Variants in PCDH11X observed in about 807,000 individuals in gnomAD.
PCDH11X encodes the protein protocadherin-11 X-linked.
PCDH11X carries 18 observed loss-of-function variants against 53.3 expected under a neutral mutation model. That is an observed-to-expected ratio of 0.34 (90% confidence interval 0.23 to 0.50). The LOEUF (loss-of-function observed/expected upper bound fraction) is 0.50. PCDH11X is among the 20% of genes least tolerant of loss of function. PCDH11X has a pLI of 0.98. For synonymous variants in PCDH11X, 279 were observed against 393.3 expected (o/e 0.71, Z 3.44); for missense variants, 570 against 1,032.4 (o/e 0.55, Z 6.14).
intron 6 of PCDH11X, among the ~76,000 whole-genome samples, chrX:92,182,406 T>A (rs1454958106): frequency 9.0e-6 from 1 of 111,442 alleles, no homozygotes; most frequent in Non-Finnish European, 1.9e-5. Flanking sequence ...ACTTTGGACT[T>A]TTGAGTTAAT....
chrX:92,472,612 A>G (rs2073291456), intron 10 of PCDH11X, among the ~76,000 whole-genome samples: 2 of 109,678 alleles, frequency 1.8e-5, no homozygotes, highest in Non-Finnish European at 1.9e-5. Context: ...TATTTTTGGT[A>G]CCATATAAAT....
chrX:92,573,480 T>C (rs1922448200), intron 10 of PCDH11X, among the ~76,000 whole-genome samples: 1 of 111,232 alleles, frequency 9.0e-6, no homozygotes, highest in Non-Finnish European at 1.9e-5. Context: ...TCATGAACCA[T>C]GTGCAGCAAT....
intron 6 of PCDH11X, among the ~76,000 whole-genome samples, chrX:91,919,318 T>C (rs1262672381): frequency 1.8e-5 from 2 of 111,867 alleles, no homozygotes; most frequent in Non-Finnish European, 3.8e-5. Context: ...ACAGAGTCTA[T>C]AAATTAAATT....
At chrX:92,523,656 G>T (rs2074402115) in intron 10 of PCDH11X, among the ~76,000 whole-genome samples, 1 of 111,546 alleles carries the variant, frequency 9.0e-6, no homozygotes, top group Non-Finnish European at 1.9e-5. Context: ...AGTTCACAGG[G>T]CTTCTCTAAG....
Position 91,840,889 on chromosome X carries a change from C to T in PCDH11X, c.540+4845C>T, listed in dbSNP as rs1289565627. Among the ~76,000 whole-genome samples, 4 of 109,104 alleles carry T rather than the reference C, an allele frequency of 3.7e-5. No individual in the cohort carries two copies. The South Asian group carries it at 1.6e-3, about 43-fold the overall frequency. 94.7% of individuals were successfully genotyped at this position (109,104 alleles called of 115,157 possible). ...ACTTAGTTTATTTGCCTCCAAGAGG[C>T]TCAGAAGAGTTTGAATATAATGATT... On this transcript the variant is annotated intron_variant, in intron 5 of 10. Transcript: ENST00000682573.
At chrX:92,460,983 CAGG>C (rs1340785493) in intron 9 of PCDH11X, 3 of 867,051 alleles carry the variant, frequency 3.5e-6, no homozygotes, top group Non-Finnish European at 4.9e-6. Context: ...CTTTGGGGAG[CAGG>C]AGGCCAATAA....
intron 8 of PCDH11X, among the ~76,000 whole-genome samples, chrX:92,274,016 G>A (rs1161906852): frequency 4.6e-5 from 5 of 108,136 alleles, no homozygotes; most frequent in African/African-American, 1.7e-4. Flanking sequence ...AGCAGGGCAT[G>A]TATGAGTAGC....
chrX:92,275,595 A>C (rs1354490046), intron 8 of PCDH11X, among the ~76,000 whole-genome samples: 1 of 111,607 alleles, frequency 9.0e-6, no homozygotes, highest in Non-Finnish European at 1.9e-5. Context: ...GCTATTGAGG[A>C]TAGGAGAGTA....
intron 10 of PCDH11X, among the ~76,000 whole-genome samples, chrX:92,496,464 A>T (rs772120971): frequency 1.9e-5 from 2 of 107,768 alleles, no homozygotes; most frequent in East Asian, 5.7e-4. Context: ...GTTTTAGAGC[A>T]TCGATTAGTA....
At chrX:92,535,468 T>C (rs1410023055) in intron 10 of PCDH11X, among the ~76,000 whole-genome samples, 2 of 110,370 alleles carry the variant, frequency 1.8e-5, no homozygotes, top group Non-Finnish European at 3.8e-5. Flanking sequence ...GTAAGCTAAA[T>C]AATGAGAATA....
intron 10 of PCDH11X, among the ~76,000 whole-genome samples, chrX:92,481,301 C>CCA (rs1234147091): frequency 1.4e-5 from 1 of 73,967 alleles, no homozygotes; most frequent in Non-Finnish European, 3.3e-5. Context: ...CACACACACC[C>CCA]CACACACACA....
intron 5 of PCDH11X, among the ~76,000 whole-genome samples, chrX:91,844,977 AT>A (rs1241557922): frequency 1.8e-5 from 2 of 111,411 alleles, no homozygotes; most frequent in Non-Finnish European, 3.8e-5. Flanking sequence ...GGATGCATGA[AT>A]TCTAGAGAAA....
At chrX:91,925,477 A>C (rs1179318113) in intron 6 of PCDH11X, among the ~76,000 whole-genome samples, 1 of 111,257 alleles carries the variant, frequency 9.0e-6, no homozygotes, top group Non-Finnish European at 1.9e-5. Flanking sequence ...TTTCATTGAA[A>C]TATGAATGTA....
intron 6 of PCDH11X, among the ~76,000 whole-genome samples, chrX:91,956,041 T>C (rs1043282645): frequency 6.4e-5 from 7 of 110,229 alleles, no homozygotes; most frequent in Admixed American, 5.8e-4. Flanking sequence ...TCCATATTGG[T>C]TTAAAGTCTA....
chrX:91,834,296 G>A (rs1441894438), intron 4 of PCDH11X, among the ~76,000 whole-genome samples: 1 of 111,263 alleles, frequency 9.0e-6, no homozygotes, highest in Non-Finnish European at 1.9e-5. Context: ...CAGATTTTAA[G>A]AAAATCAAAA....
chrX:92,257,718 A>G, intron 7 of PCDH11X, among the ~76,000 whole-genome samples: 1 of 112,817 alleles, frequency 8.9e-6, no homozygotes, highest in Non-Finnish European at 1.9e-5. Flanking sequence ...TCTCACATCC[A>G]GGAAATACTG....
chrX:92,122,099 C>T (rs1365758780), intron 6 of PCDH11X, among the ~76,000 whole-genome samples: 5 of 107,386 alleles, frequency 4.7e-5, no homozygotes, highest in Admixed American at 2.0e-4. Context: ...TCTCATTCCT[C>T]AGCTTCCCGA....
At chrX:91,840,239 C>T (rs997156543) in intron 5 of PCDH11X, among the ~76,000 whole-genome samples, 3 of 111,521 alleles carry the variant, frequency 2.7e-5, no homozygotes, top group African/African-American at 9.8e-5. Flanking sequence ...TTCCATCTTC[C>T]CTGGCATATA....
intron 7 of PCDH11X, among the ~76,000 whole-genome samples, chrX:92,208,508 AATATATATAT>A (rs58212809): frequency 0.46 from 14,193 of 30,633 alleles, 2,098 homozygotes; most frequent in Admixed American, 0.67. Flanking sequence ...CCCTGAAACT[AATATATATAT>A]ATATATATAT....
Sources: gnomAD v4.1 joint callset for allele counts (sites outside exome capture counted in the v4.1 genomes callset) on GRCh38, gnomAD v4.1.1 for gene constraint, MANE v1.5 for transcripts, NCBI Gene and HGNC (gene_info 2026-07-23, HGNC 2026-07-21) for gene names.